LRRC27: variants seen among roughly 807,000 people sequenced by gnomAD.
LRRC27 encodes the protein leucine-rich repeat-containing protein 27.
A neutral mutation model predicts 55.0 loss-of-function variants in LRRC27; 57 were observed. That is an observed-to-expected ratio of 1.04 (90% CI 0.84 to 1.29). LRRC27 has a LOEUF of 1.29. Ranked by LOEUF, LRRC27 falls within the 50% of genes most tolerant of loss-of-function variation. The probability of loss-of-function intolerance (pLI) is 0.00; values close to 1 mark genes in which losing one functional copy is unlikely to be tolerated. For synonymous variants in LRRC27, 278 were observed against 251.9 expected, an observed-to-expected ratio of 1.10 and a Z score of -0.98; for missense variants, 721 against 651.5, an observed-to-expected ratio of 1.11 and a Z score of -1.16.
rs1393261862 is a variant in LRRC27 at position 132,378,484 on chromosome 10, T to A, written c.*3242T>A. ...GTGTGTGTGCACATGTGTGTATGCA[T>A]TCGTGCGTACGAGTGTGTGCATGTG... On this transcript the variant is annotated 3_prime_UTR_variant, in exon 11 of 11. Coordinates refer to ENST00000368614, the MANE Select transcript of LRRC27 (RefSeq NM_030626.3). 6.6e-6 allele frequency: 1 copy of A among 152,194 alleles called. No individual in the cohort carries two copies. Among genetic ancestry groups the A allele is most frequent in the Non-Finnish European group, 1.5e-5 (1 of 68,046 alleles). 9.4% of individuals were successfully genotyped at this position (152,194 alleles called of 1,614,324 possible). A position where few individuals can be genotyped will look rare whatever the true frequency, so the allele number is the denominator to read the frequency against.
At chr10:132,342,015 T>C (rs1322212768) in intron 3 of LRRC27, among the ~76,000 whole-genome samples, 198 bp from the exon 4 acceptor site, 1 of 152,226 alleles carries the variant, frequency 6.6e-6, no homozygotes, top group Non-Finnish European at 1.5e-5. Flanking sequence ...CCTGGTCCCA[T>C]GTGTCAGCGG....
Position 132,364,414 on chromosome 10 carries a change from CGCGCTT to C in LRRC27, c.1290-1009_1290-1004del, listed in dbSNP as rs1564853230. On this transcript the variant is annotated intron_variant, in intron 9 of 10. Transcript: ENST00000368614. ...CCACCCTTACATCTACCTCCACACC[CGCGCTT>C]ACACCCACGCTTACATCTACCTCCA... Among the ~76,000 whole-genome samples the C allele has an allele frequency of 6.5e-4, 98 of 150,370 alleles. 1 individual carries two copies. The highest frequency in any genetic ancestry group is 7.6e-4 in the African/African-American group (31 of 40,564).
chr10:132,331,631 G>A, upstream of LRRC27: 2 of 1,612,848 alleles, frequency 1.2e-6, no homozygotes, highest in Non-Finnish European at 1.7e-6. Flanking sequence ...AGGCAGCGAG[G>A]ACCGCTCCAA....
At position 132,351,607 on chromosome 10, in the gene LRRC27, A is replaced by G. The variant is rs149369266; in HGVS notation, c.927A>G (p.Arg309=). The G allele has an allele frequency of 1.8e-4, 286 of 1,610,350 alleles. 4 individuals are homozygous for G. The East Asian group carries it at 2.5e-3, about 14-fold the overall frequency. The change falls in exon 7 of 11, where the codon AGA becomes AGG. Residue 309 remains arginine (R), a splice_region_variant and synonymous_variant. Coordinates refer to ENST00000368614, the MANE Select transcript of LRRC27 (RefSeq NM_030626.3). The part of the protein sequence containing the change: ...KELPKPRHVF[R]RKTASSRSIL... ...AGCTAAAAACACTCTGTAATTTTAGAAGGAAGACAGCCTCCTCCAGGAGCA... is the reference window on the plus strand; with the variant it reads ...AGCTAAAAACACTCTGTAATTTTAGGAGGAAGACAGCCTCCTCCAGGAGCA...
At chr10:132,341,835 A>G (rs747119461) in intron 3 of LRRC27, among the ~76,000 whole-genome samples, 42 of 152,264 alleles carry the variant, frequency 2.8e-4, no homozygotes, top group Non-Finnish European at 5.3e-4. Flanking sequence ...AAAGCCTAAA[A>G]TAGAGGTTCT....
chr10:132,366,664 G>A (rs2069093626), intron 10 of LRRC27: 1 of 221,036 alleles, frequency 4.5e-6, no homozygotes, highest in Non-Finnish European at 8.5e-6. Context: ...CCCCTGGCTG[G>A]TGGCCTCTTC....
Position 132,375,136 on chromosome 10 carries a change from C to A in LRRC27, c.1487C>A (p.Ala496Glu), listed in dbSNP as rs138390679. 1 of 1,614,086 alleles carries A rather than the reference C, an allele frequency of 6.2e-7. No individual in the cohort carries two copies. The highest frequency in any genetic ancestry group is 8.5e-7 in the Non-Finnish European group (1 of 1,179,972). Residue 496 changes from alanine to glutamate, a missense_variant, in exon 11 of 11, where the codon GCG becomes GAG. Coordinates refer to ENST00000368614, the MANE Select transcript of LRRC27 (RefSeq NM_030626.3). ...GLTLNKDRRR[A>E]ALTGNLSLGL... The stretch of plus-strand genomic sequence containing the variant: ...ACCTTGAACAAAGATCGTCGACGGG[C>A]GGCCCTCACTGGAAACCTTTCGCTT...
chr10:132,367,744 A>G (rs1167815084), intron 10 of LRRC27, among the ~76,000 whole-genome samples: 1 of 152,258 alleles, frequency 6.6e-6, no homozygotes, highest in Non-Finnish European at 1.5e-5. Flanking sequence ...AAAGACTTAC[A>G]GCTAACATTA....
At chr10:132,364,479 ACCC>A in intron 9 of LRRC27, among the ~76,000 whole-genome samples, 1 of 112,422 alleles carries the variant, frequency 8.9e-6, no homozygotes, top group East Asian at 2.3e-4. Flanking sequence ...ACTTACACCC[ACCC>A]ACACTTACAC....
intron 10 of LRRC27, chr10:132,366,883 G>A: frequency 3.1e-6 from 4 of 1,286,626 alleles, no homozygotes; most frequent in Non-Finnish European, 4.1e-6. Context: ...AGGGCAGGAT[G>A]TGGAGCCACT....
At chr10:132,364,332 C>G (rs1430630480) in intron 9 of LRRC27, among the ~76,000 whole-genome samples, 1 of 3,862 alleles carries the variant, frequency 2.6e-4, no homozygotes, top group Non-Finnish European at 7.6e-4. Flanking sequence ...ACACCCATGA[C>G]CACACCCACA....
At chr10:132,350,229 A>G (rs1020648344) in intron 6 of LRRC27, among the ~76,000 whole-genome samples, 1 of 152,242 alleles carries the variant, frequency 6.6e-6, no homozygotes, top group African/African-American at 2.4e-5. Flanking sequence ...CTGAAATCCC[A>G]AAATTATATT....
chr10:132,345,046 A>G (rs920701536), intron 5 of LRRC27, among the ~76,000 whole-genome samples: 46 of 152,236 alleles, frequency 3.0e-4, no homozygotes, highest in African/African-American at 1.1e-3. Flanking sequence ...TTAGCAGGAA[A>G]ATGGCCCTGT....
In LRRC27 at chr10:132,374,909, G is replaced by T. The variant is rs567516051; in HGVS notation, c.1417-157G>T. On this transcript the variant is annotated intron_variant, in intron 10 of 10. Transcript: ENST00000368614. The surrounding 1 kb of genome is among the most constrained non-coding windows in gnomAD (Gnocchi z 4.4). Reference sequence around the variant, plus strand: ...GCTGGGCCCCATTGCAGGGGGGACCGCGCCGTGATGCGGCTTGCAGGGGCC... The same window carrying T: ...GCTGGGCCCCATTGCAGGGGGGACCTCGCCGTGATGCGGCTTGCAGGGGCC... Among the ~76,000 whole-genome samples, 8 of 152,322 alleles carry T rather than the reference G, an allele frequency of 5.3e-5. No individual in the cohort carries two copies. Among genetic ancestry groups the T allele is most frequent in the Admixed American group, 2.0e-4 (3 of 15,306 alleles).
At chr10:132,333,132 C>T (rs923865794) in intron 1 of LRRC27, among the ~76,000 whole-genome samples, 5 of 152,108 alleles carry the variant, frequency 3.3e-5, no homozygotes, top group African/African-American at 7.2e-5. Context: ...AATTTCCACC[C>T]GCCCCTAGTC....
intron 10 of LRRC27, among the ~76,000 whole-genome samples, chr10:132,368,463 G>A (rs72863822): frequency 0.14 from 21,814 of 152,158 alleles, 2,076 homozygotes; most frequent in Middle Eastern, 0.23. Flanking sequence ...ATTGTCAAAA[G>A]AATAGACAAA....
At chr10:132,338,939 A>C (rs967746524) in intron 3 of LRRC27, among the ~76,000 whole-genome samples, 1 of 151,920 alleles carries the variant, frequency 6.6e-6, no homozygotes, top group African/African-American at 2.4e-5. Context: ...CAAAGTCCTG[A>C]CCTCAAGTGA....
In LRRC27 at chr10:132,376,865, C is replaced by G. The variant is rs1298082106; in HGVS notation, c.*1623C>G. 1 of 152,182 alleles carries G rather than the reference C, an allele frequency of 6.6e-6. No individual in the cohort carries two copies. The highest frequency in any genetic ancestry group is 1.5e-5 in the Non-Finnish European group (1 of 68,036). 9.4% of individuals were successfully genotyped at this position (152,182 alleles called of 1,614,324 possible). ...CTGGTTTCTCAGTTACTGAGAGAGG[C>G]CTGTGAACAGTTCTAGCTATGATCA... On this transcript the variant is annotated 3_prime_UTR_variant, in exon 11 of 11. Coordinates refer to ENST00000368614, the MANE Select transcript of LRRC27 (RefSeq NM_030626.3).
rs1283763788 is a variant in LRRC27, at chr10:132,376,289, C to T, written c.*1047C>T. 6.6e-6 allele frequency: 1 copy of T among 152,224 alleles called. No homozygotes were observed. The highest frequency in any genetic ancestry group is 1.5e-5 in the Non-Finnish European group (1 of 68,050). 9.4% of individuals were successfully genotyped at this position (152,224 alleles called of 1,614,324 possible). A position where few individuals can be genotyped will look rare whatever the true frequency, so the allele number is the denominator to read the frequency against. The stretch of plus-strand genomic sequence containing the variant: ...GCTGTTTGTCTTCTGTCTCATGGGT[C>T]TCTGCGCCCTGCACTTCGTACTTTC... On this transcript the variant is annotated 3_prime_UTR_variant, in exon 11 of 11. Coordinates refer to ENST00000368614, the MANE Select transcript of LRRC27 (RefSeq NM_030626.3).
Sources: gnomAD v4.1 joint callset for allele counts (sites outside exome capture counted in the v4.1 genomes callset) on GRCh38, gnomAD v4.1.1 for gene constraint, Gnocchi (gnomAD v3.1) non-coding constraint, MANE v1.5 for transcripts, NCBI Gene and HGNC (gene_info 2026-07-23, HGNC 2026-07-21) for gene names.